The following KAZN variants were observed in gnomAD, a reference collection of about 807,000 sequenced individuals.
The protein encoded by KAZN is kazrin.
A neutral mutation model predicts 87.4 loss-of-function variants in KAZN; 40 were observed. The ratio of observed to expected loss-of-function variants is 0.46; its 90% CI spans 0.36 to 0.60. The LOEUF (loss-of-function observed/expected upper bound fraction) is 0.60. Among genes scored for constraint, KAZN ranks in the 20% least tolerant of loss-of-function variants. The pLI is 0.00. For missense variants in KAZN, 898 were observed against 1,073.9 expected, an observed-to-expected ratio of 0.84 and a Z score of 2.29; for synonymous variants, 466 against 458.3, an observed-to-expected ratio of 1.02 and a Z score of -0.22.
At chr1:14,634,051 A>G (rs1679781658) in intron 1 of KAZN, among the ~76,000 whole-genome samples, 1 of 152,100 alleles carries the variant, frequency 6.6e-6, no homozygotes, top group Non-Finnish European at 1.5e-5. Context: ...GCTGGAGATC[A>G]TGTTAAATAT....
intron 1 of KAZN, among the ~76,000 whole-genome samples, chr1:14,684,749 C>T (rs919222238): frequency 1.2e-4 from 19 of 152,182 alleles, no homozygotes; most frequent in African/African-American, 4.6e-4. Context: ...ACATGGCCTT[C>T]CTCCCAGTCT....
intron 13 of KAZN, among the ~76,000 whole-genome samples, chr1:15,110,109 TTGTG>T (rs372644563): frequency 0.056 from 8,063 of 144,136 alleles, 230 homozygotes; most frequent in Middle Eastern, 0.071. Flanking sequence ...ATGTGCGTAT[TTGTG>T]TGTGTATTTG....
chr1:14,571,330 A>C (rs991521684), intron 2 of KAZN, among the ~76,000 whole-genome samples: 6 of 152,116 alleles, frequency 3.9e-5, no homozygotes, highest in African/African-American at 7.2e-5. Context: ...AATTACACCA[A>C]AGAGAAAGAA....
At chr1:14,274,487 A>G (rs1652195786) in intron 2 of KAZN, among the ~76,000 whole-genome samples, 1 of 152,186 alleles carries the variant, frequency 6.6e-6, no homozygotes, top group African/African-American at 2.4e-5. Flanking sequence ...CCTAAGCATC[A>G]TCCGGGGAGC....
chr1:14,918,744 ATATATC>A (rs1658179185), intron 1 of KAZN, among the ~76,000 whole-genome samples: 1 of 127,858 alleles, frequency 7.8e-6, no homozygotes, highest in African/African-American at 3.0e-5. Context: ...ATATATATAT[ATATATC>A]CTGGGAGGAA....
intron 1 of KAZN, among the ~76,000 whole-genome samples, chr1:14,100,636 T>G (rs181034494): frequency 6.6e-6 from 1 of 152,182 alleles, no homozygotes; most frequent in African/African-American, 2.4e-5. Flanking sequence ...CAGGGCTTTG[T>G]TGGGGGCTGG....
chr1:14,159,471 A>G (rs1339595444), intron 1 of KAZN, among the ~76,000 whole-genome samples: 1 of 152,200 alleles, frequency 6.6e-6, no homozygotes, highest in Non-Finnish European at 1.5e-5. Flanking sequence ...CTTGTGGTGA[A>G]TGCTGCCTAG....
intron 2 of KAZN, among the ~76,000 whole-genome samples, chr1:14,391,920 A>G (rs1008688406): frequency 3.9e-5 from 6 of 152,168 alleles, no homozygotes; most frequent in Admixed American, 1.3e-4. Context: ...ACTAGTAGAT[A>G]TGGGATGACC....
At chr1:14,749,912 A>G (rs762362657) in intron 1 of KAZN, among the ~76,000 whole-genome samples, 12 of 152,072 alleles carry the variant, frequency 7.9e-5, no homozygotes, top group Non-Finnish European at 1.6e-4. Flanking sequence ...CATTGTAAGG[A>G]CCCAAATGAG....
intron 1 of KAZN, among the ~76,000 whole-genome samples, chr1:14,665,932 C>CAAAAAAAAAA (rs60081619): frequency 2.8e-5 from 3 of 108,040 alleles, no homozygotes; most frequent in South Asian, 3.1e-4. Flanking sequence ...AAGCTTTGCT[C>CAAAAAAAAAA]AAAAAAAAAA....
chr1:14,274,663 C>A (rs1004183792), intron 2 of KAZN, among the ~76,000 whole-genome samples: 1 of 152,116 alleles, frequency 6.6e-6, no homozygotes, highest in Non-Finnish European at 1.5e-5. Context: ...TGACCCTTAG[C>A]CATCCACCCT....
At position 14,740,618 on chromosome 1, in the gene KAZN, G is replaced by A. The variant is rs764252147; in HGVS notation, c.226+141395G>A. Among the ~76,000 whole-genome samples the A allele has an allele frequency of 2.6e-5, 4 of 151,974 alleles. No individual in the cohort carries two copies. The South Asian group carries it at 6.2e-4, about 24-fold the overall frequency. ...CCTCTATAGCTCCTGTCTCCTTGGC[G>A]TGGTTTGAGCCCCACAGACCTCTCC... On this transcript the variant is annotated intron_variant, in intron 1 of 14. Transcript: ENST00000376030.
chr1:14,249,111 C>A (rs1232485349), intron 2 of KAZN, among the ~76,000 whole-genome samples: 3 of 152,174 alleles, frequency 2.0e-5, no homozygotes, highest in African/African-American at 7.2e-5. Context: ...CATAATGAAG[C>A]AGAGACAAAC....
intron 2 of KAZN, among the ~76,000 whole-genome samples, chr1:14,364,582 C>A (rs761380972): frequency 5.9e-5 from 9 of 152,142 alleles, no homozygotes; most frequent in Non-Finnish European, 1.3e-4. Context: ...AAAAACATGA[C>A]CACCATCATT....
intron 2 of KAZN, among the ~76,000 whole-genome samples, chr1:14,478,823 GGT>G (rs1413796244): frequency 6.6e-6 from 1 of 152,174 alleles, no homozygotes. Flanking sequence ...AGTGTGTCCT[GGT>G]TTGGATTTCT....
intron 1 of KAZN, among the ~76,000 whole-genome samples, chr1:13,949,862 C>T (rs1349535980): frequency 3.3e-5 from 5 of 152,206 alleles, no homozygotes; most frequent in African/African-American, 9.7e-5. Flanking sequence ...GCTCAAAACA[C>T]AGCCGAGACA....
chr1:14,781,287 G>T (rs908328473), intron 1 of KAZN, among the ~76,000 whole-genome samples: 3 of 152,114 alleles, frequency 2.0e-5, no homozygotes, highest in African/African-American at 7.2e-5. Flanking sequence ...GCGCCACTGC[G>T]CTCCAACCTG....
chr1:14,825,465 A>G (rs1436146231), intron 1 of KAZN, among the ~76,000 whole-genome samples: 1 of 152,184 alleles, frequency 6.6e-6, no homozygotes, highest in African/African-American at 2.4e-5. Context: ...AAAAACCATA[A>G]CGATGTTGTA....
intron 11 of KAZN, among the ~76,000 whole-genome samples, chr1:15,102,337 G>A (rs1206398429): frequency 6.6e-6 from 1 of 152,154 alleles, no homozygotes; most frequent in Non-Finnish European, 1.5e-5. Context: ...AGACCCGAAG[G>A]AGGAACCCCA....
Sources: gnomAD v4.1 joint callset for allele counts (sites outside exome capture counted in the v4.1 genomes callset) on GRCh38, gnomAD v4.1.1 for gene constraint, MANE v1.5 for transcripts, NCBI Gene and HGNC (gene_info 2026-07-23, HGNC 2026-07-21) for gene names.